Variants in ERBB4 observed in about 807,000 individuals in gnomAD.
ERBB4 encodes the protein receptor tyrosine-protein kinase erbB-4.
In ERBB4, 42 loss-of-function variants were observed where a neutral mutation model predicts 158.0. The observed-to-expected ratio is 0.27, with a 90% CI of 0.21 to 0.34. ERBB4 has a LOEUF of 0.34. Among genes scored for constraint, ERBB4 ranks in the 10% least tolerant of loss-of-function variants. The pLI is 1.00. For missense variants in ERBB4, 1,333 were observed against 1,624.1 expected, an observed-to-expected ratio of 0.82 and a Z score of 3.08; for synonymous variants, 583 against 558.7, an observed-to-expected ratio of 1.04 and a Z score of -0.61.
At chr2:211,615,404 G>A (rs2069348636) in intron 19 of ERBB4, among the ~76,000 whole-genome samples, 1 of 151,990 alleles carries the variant, frequency 6.6e-6, no homozygotes, top group Non-Finnish European at 1.5e-5. Flanking sequence ...TCTGAAACAA[G>A]AACTAGGAGC....
chr2:212,423,158 T>G lies in ERBB4; in HGVS notation c.82+115291A>C, dbSNP rs532517363. 3.9e-5 allele frequency among the ~76,000 whole-genome samples: 6 copies of G among 152,036 alleles called. No individual in the cohort carries two copies. In the South Asian group the frequency reaches 8.3e-4, roughly 21 times the overall value. On this transcript the variant is annotated intron_variant, in intron 1 of 27. Transcript: ENST00000342788. ...CTATGACACTTAAGTATATAGGGTT[T>G]AGGTAAGTGAAGGGGGCAAAAAAAA...
At chr2:211,642,915 A>G (rs1406747069) in intron 16 of ERBB4, among the ~76,000 whole-genome samples, 1 of 152,160 alleles carries the variant, frequency 6.6e-6, no homozygotes, top group Non-Finnish European at 1.5e-5. Context: ...TCTGAAATGA[A>G]GCTGATACGT....
At chr2:212,285,888 T>A (rs1335236113) in intron 1 of ERBB4, among the ~76,000 whole-genome samples, 1 of 152,150 alleles carries the variant, frequency 6.6e-6, no homozygotes, top group African/African-American at 2.4e-5. Flanking sequence ...AACAAATTTC[T>A]TGGATGATAG....
chr2:211,593,754 C>G (rs1469696045), intron 19 of ERBB4, among the ~76,000 whole-genome samples: 1 of 152,156 alleles, frequency 6.6e-6, no homozygotes, highest in Non-Finnish European at 1.5e-5. Context: ...AACCACCACC[C>G]TGATACCCTT....
At chr2:211,574,426 T>C (rs934052109) in intron 19 of ERBB4, among the ~76,000 whole-genome samples, 3 of 152,186 alleles carry the variant, frequency 2.0e-5, no homozygotes, top group African/African-American at 4.8e-5. Flanking sequence ...ATAACACTAA[T>C]AATAATCAAT....
intron 12 of ERBB4, among the ~76,000 whole-genome samples, chr2:211,700,064 T>G (rs1441888447): frequency 1.3e-5 from 2 of 152,160 alleles, no homozygotes; most frequent in African/African-American, 4.8e-5. Context: ...TTTCTTTACA[T>G]TATTTTGAAT....
At position 211,380,676 on chromosome 2, in the gene ERBB4, C is replaced by T; in HGVS notation, c.*2939G>A. Reference sequence around the variant, plus strand: ...CAAAAAACACTCAAACAACTGAAGTCAATTATATACTACAGAAATCATTCA... The same window carrying T: ...CAAAAAACACTCAAACAACTGAAGTTAATTATATACTACAGAAATCATTCA... On this transcript the variant is annotated 3_prime_UTR_variant, in exon 28 of 28. Transcript: ENST00000342788. 8.6e-6 allele frequency: 2 copies of T among 231,866 alleles called. No homozygotes were observed. The highest frequency in any genetic ancestry group is 4.4e-5 in the African/African-American group (2 of 45,356). The allele number at this position is 231,866 out of a possible 1,614,324, so 14.4% of individuals were successfully genotyped here. A position where few individuals can be genotyped will look rare whatever the true frequency, so the allele number is the denominator to read the frequency against.
chr2:212,047,478 T>C (rs1050287780), intron 2 of ERBB4, among the ~76,000 whole-genome samples: 1 of 151,874 alleles, frequency 6.6e-6, no homozygotes, highest in Non-Finnish European at 1.5e-5. Context: ...TTTATTTATT[T>C]ATTTATTTAT....
chr2:212,336,793 A>C (rs2088463168), intron 1 of ERBB4, among the ~76,000 whole-genome samples: 1 of 151,704 alleles, frequency 6.6e-6, no homozygotes, highest in Admixed American at 6.6e-5. Flanking sequence ...TCCCAAACGG[A>C]AACCAAGTTT....
chr2:212,425,232 A>G (rs1425977323), intron 1 of ERBB4, among the ~76,000 whole-genome samples: 1 of 149,864 alleles, frequency 6.7e-6, no homozygotes, highest in East Asian at 1.9e-4. Flanking sequence ...ATTTGCTCAC[A>G]TTAAAAAAAT....
At chr2:212,056,134 C>A (rs1257640183) in intron 2 of ERBB4, among the ~76,000 whole-genome samples, 1 of 152,148 alleles carries the variant, frequency 6.6e-6, no homozygotes, top group Non-Finnish European at 1.5e-5. Context: ...GACGAATACA[C>A]AAGCTTCAGT....
intron 1 of ERBB4, among the ~76,000 whole-genome samples, chr2:212,237,833 G>A (rs2083935059): frequency 6.6e-6 from 1 of 152,206 alleles, no homozygotes; most frequent in East Asian, 1.9e-4. Flanking sequence ...GGGCTGCAGA[G>A]GACTGTGCCC....
At position 211,377,609 on chromosome 2, in the gene ERBB4, AC is replaced by A. The variant is rs2062498311; in HGVS notation, c.*6005del. On this transcript the variant is annotated 3_prime_UTR_variant, in exon 28 of 28. Coordinates refer to ENST00000342788, the MANE Select transcript of ERBB4 (RefSeq NM_005235.3). Reference sequence around the variant, plus strand: ...TGGTTATCAAAGCTGAATAGCCTTTACCTTTATGATAATAAGACTCCTCATT... The same window carrying A: ...TGGTTATCAAAGCTGAATAGCCTTTACTTTATGATAATAAGACTCCTCATT... 1 of 232,420 alleles carries A rather than the reference AC, an allele frequency of 4.3e-6. No individual in the cohort carries two copies. Among genetic ancestry groups the A allele is most frequent in the Non-Finnish European group, 8.5e-6 (1 of 117,608 alleles). The allele number at this position is 232,420 out of a possible 1,614,324, so 14.4% of individuals were successfully genotyped here.
chr2:211,849,204 T>C (rs1019330744), intron 3 of ERBB4, among the ~76,000 whole-genome samples: 1 of 152,054 alleles, frequency 6.6e-6, no homozygotes, highest in Non-Finnish European at 1.5e-5. Flanking sequence ...TTCTGCTTTA[T>C]AAATAGTATG....
intron 1 of ERBB4, among the ~76,000 whole-genome samples, chr2:212,218,951 T>C (rs1005927889): frequency 2.6e-5 from 4 of 151,396 alleles, no homozygotes; most frequent in Non-Finnish European, 5.9e-5. Context: ...TGAATGTATA[T>C]GCCATTTTTT....
chr2:211,473,649 T>C (rs2064884835), intron 20 of ERBB4, among the ~76,000 whole-genome samples: 1 of 151,984 alleles, frequency 6.6e-6, no homozygotes, highest in Non-Finnish European at 1.5e-5. Context: ...TTCCAAAGGA[T>C]AATAAACCTC....
At chr2:211,878,259 T>C (rs891578971) in intron 3 of ERBB4, among the ~76,000 whole-genome samples, 1 of 152,178 alleles carries the variant, frequency 6.6e-6, no homozygotes, top group African/African-American at 2.4e-5. Context: ...AAGTTGCCAC[T>C]CTCATTATAA....
intron 1 of ERBB4, among the ~76,000 whole-genome samples, chr2:212,342,808 T>C (rs979625834): frequency 2.0e-5 from 3 of 152,312 alleles, no homozygotes; most frequent in African/African-American, 7.2e-5. Context: ...TTACTTTGCA[T>C]TATACAATAT....
chr2:212,221,016 C>T (rs1310195419), intron 1 of ERBB4, among the ~76,000 whole-genome samples: 2 of 151,326 alleles, frequency 1.3e-5, no homozygotes, highest in Non-Finnish European at 3.0e-5. Context: ...TTTGTCCAAC[C>T]CAGTATGTAG....
Sources: allele counts gnomAD v4.1 joint callset (sites outside exome capture counted in the v4.1 genomes callset), GRCh38; gene constraint gnomAD v4.1.1; transcripts MANE v1.5; gene names NCBI Gene and HGNC (gene_info 2026-07-23, HGNC 2026-07-21).